The following ADAM12 variants were observed in gnomAD, a reference collection of about 807,000 sequenced individuals.
ADAM12 encodes disintegrin and metalloproteinase domain-containing protein 12.
ADAM12 carries 70 observed loss-of-function variants against 106.4 expected under a neutral mutation model. The observed-to-expected ratio is 0.66, with a 90% confidence interval of 0.54 to 0.80. The LOEUF is 0.80. Among genes scored for constraint, ADAM12 ranks in the 30% least tolerant of loss-of-function variants. ADAM12 has a pLI of 0.00. For missense variants in ADAM12, 1,010 were observed against 1,171.9 expected (o/e 0.86, Z 2.02); for synonymous variants, 420 against 433.5 (o/e 0.97, Z 0.39).
intron 11 of ADAM12, among the ~76,000 whole-genome samples, chr10:126,085,477 C>A (rs1441588112): frequency 2.0e-5 from 3 of 152,170 alleles, no homozygotes; most frequent in Non-Finnish European, 4.4e-5. Context: ...CATCCGCCCA[C>A]CCAGCCAACG....
At chr10:126,280,397 G>A (rs1959515485) in intron 2 of ADAM12, among the ~76,000 whole-genome samples, 1 of 152,134 alleles carries the variant, frequency 6.6e-6, no homozygotes, top group Non-Finnish European at 1.5e-5. Flanking sequence ...GGCTATTTAA[G>A]TTAATTAAAA....
rs1957964476 is a variant in ADAM12, at chr10:126,215,098, C to A, written c.261-59793G>T. On this transcript the variant is annotated intron_variant, in intron 3 of 22. Coordinates refer to ENST00000448723, the MANE Select transcript of ADAM12 (RefSeq NM_001288973.2). ...GACCACACCCATCTGTCCAGGCCAGCCTCCCCATACCCACACTTCCTGCTC... is the reference window on the plus strand; with the variant it reads ...GACCACACCCATCTGTCCAGGCCAGACTCCCCATACCCACACTTCCTGCTC... Among the ~76,000 whole-genome samples the A allele has an allele frequency of 2.6e-5, 4 of 152,200 alleles. No individual in the cohort carries two copies. The South Asian group carries it at 8.3e-4, about 32-fold the overall frequency.
intron 1 of ADAM12, among the ~76,000 whole-genome samples, chr10:126,383,610 G>GA (rs1564769096): frequency 1.3e-5 from 2 of 151,552 alleles, no homozygotes; most frequent in African/African-American, 4.8e-5. Context: ...CTTCCAAAAA[G>GA]AAAAAAAGAC....
chr10:126,194,147 CT>C (rs1957555238), intron 3 of ADAM12, among the ~76,000 whole-genome samples: 1 of 151,902 alleles, frequency 6.6e-6, no homozygotes, highest in South Asian at 2.1e-4. Flanking sequence ...ATACATAAGA[CT>C]TTAAATACAG....
At chr10:126,120,984 A>G (rs1414151714) in intron 5 of ADAM12, among the ~76,000 whole-genome samples, 3 of 130,116 alleles carry the variant, frequency 2.3e-5, no homozygotes, top group Non-Finnish European at 4.7e-5. Context: ...TATGCAATAT[A>G]GCATATATTA....
intron 3 of ADAM12, among the ~76,000 whole-genome samples, chr10:126,165,398 A>G (rs1235965988): frequency 6.6e-6 from 1 of 152,154 alleles, no homozygotes; most frequent in Non-Finnish European, 1.5e-5. Flanking sequence ...TGAACTCCTG[A>G]CACCTATCTC....
At chr10:126,229,016 C>T (rs1488576804) in intron 3 of ADAM12, among the ~76,000 whole-genome samples, 1 of 152,140 alleles carries the variant, frequency 6.6e-6, no homozygotes, top group Non-Finnish European at 1.5e-5. Flanking sequence ...TTTTGTGGTT[C>T]CCCTGTTTAC....
rs115263276 is a variant in ADAM12, at chr10:126,326,714, A to G, written c.186+3698T>C. Among the ~76,000 whole-genome samples the G allele has an allele frequency of 3.4e-3, 518 of 152,016 alleles. 8 individuals are homozygous for G. The highest frequency in any genetic ancestry group is 0.012 in the African/African-American group (494 of 41,436). On this transcript the variant is annotated intron_variant, in intron 2 of 22. Transcript: ENST00000448723. ...GCTCCAAGCCCCCAGGAACCTTCTC[A>G]TGGCTGTTCTACCTTGTCAGGGCCC... is the stretch of plus-strand genomic sequence containing the variant.
At chr10:126,068,312 A>G (rs948060961) in intron 12 of ADAM12, among the ~76,000 whole-genome samples, 7 of 152,332 alleles carry the variant, frequency 4.6e-5, no homozygotes, top group African/African-American at 1.7e-4. Context: ...TTACCAAATT[A>G]CAAGTTTTCT....
rs750726996 is a variant in ADAM12, at chr10:126,204,876, C to T, written c.261-49571G>A. On this transcript the variant is annotated intron_variant, in intron 3 of 22. Coordinates refer to ENST00000448723, the MANE Select transcript of ADAM12 (RefSeq NM_001288973.2). ...TCTTTGTCACAACTACCCAACTCTGCGCTATTCTAAGTAGATTAGATAGGT... is the reference window on the plus strand; with the variant it reads ...TCTTTGTCACAACTACCCAACTCTGTGCTATTCTAAGTAGATTAGATAGGT... Among the ~76,000 whole-genome samples the T allele has an allele frequency of 3.1e-4, 47 of 152,294 alleles. 1 individual carries two copies. The highest frequency in any genetic ancestry group is 1.5e-3 in the Admixed American group (23 of 15,298).
At position 126,229,757 on chromosome 10, in the gene ADAM12, C is replaced by T. The variant is rs535812960; in HGVS notation, c.260+49158G>A. 2.0e-5 allele frequency among the ~76,000 whole-genome samples: 3 copies of T among 152,150 alleles called. No homozygotes were observed. The East Asian group carries it at 5.8e-4, about 29-fold the overall frequency. On this transcript the variant is annotated intron_variant, in intron 3 of 22. Transcript: ENST00000448723. ...GCAAACCTCACTTTTCCTTTGGGAA[C>T]CCCCTTCGTGCTCTGTTCATGCCTG...
intron 1 of ADAM12, among the ~76,000 whole-genome samples, chr10:126,362,360 T>C (rs977572378): frequency 2.0e-5 from 3 of 152,094 alleles, no homozygotes; most frequent in African/African-American, 7.2e-5. Context: ...AGTATGATGA[T>C]TATGAAAAAC....
intron 4 of ADAM12, among the ~76,000 whole-genome samples, chr10:126,142,767 G>A (rs943757865): frequency 6.6e-6 from 1 of 152,336 alleles, no homozygotes; most frequent in Admixed American, 6.5e-5. Flanking sequence ...AGAAGGTGAA[G>A]TCATTTCCAA....
intron 5 of ADAM12, among the ~76,000 whole-genome samples, chr10:126,130,813 A>G (rs944163421): frequency 1.3e-5 from 2 of 152,168 alleles, no homozygotes; most frequent in Non-Finnish European, 2.9e-5. Flanking sequence ...TTGCTTGGAT[A>G]TTACTCTAGG....
intron 3 of ADAM12, among the ~76,000 whole-genome samples, chr10:126,171,563 C>G (rs1215535453): frequency 6.6e-6 from 1 of 152,216 alleles, no homozygotes; most frequent in South Asian, 2.1e-4. Context: ...CTAGAGTTAG[C>G]ACCTTTTCCT....
intron 3 of ADAM12, among the ~76,000 whole-genome samples, chr10:126,268,869 T>A (rs1452143040): frequency 6.6e-6 from 1 of 152,162 alleles, no homozygotes; most frequent in Non-Finnish European, 1.5e-5. Flanking sequence ...AGGTTCCCGA[T>A]CCAGACCCCA....
At chr10:126,263,426 C>T (rs1468981092) in intron 3 of ADAM12, among the ~76,000 whole-genome samples, 2 of 152,112 alleles carry the variant, frequency 1.3e-5, no homozygotes, top group Non-Finnish European at 2.9e-5. Context: ...TTTCCTTTCC[C>T]TTGGCTCAGT....
At chr10:126,176,648 A>G (rs1034594842) in intron 3 of ADAM12, among the ~76,000 whole-genome samples, 1 of 152,246 alleles carries the variant, frequency 6.6e-6, no homozygotes, top group East Asian at 1.9e-4. Context: ...TCAGTGGCAT[A>G]GGAAGCAACA....
chr10:126,352,024 G>GCACTCAA (rs1855379606), intron 1 of ADAM12, among the ~76,000 whole-genome samples: 1 of 152,172 alleles, frequency 6.6e-6, no homozygotes, highest in South Asian at 2.1e-4. Context: ...TCAGAACCCA[G>GCACTCAA]CACTCAACAG....
Sources: gnomAD v4.1 joint callset for allele counts (sites outside exome capture counted in the v4.1 genomes callset) on GRCh38, gnomAD v4.1.1 for gene constraint, MANE v1.5 for transcripts, NCBI Gene and HGNC (gene_info 2026-07-23, HGNC 2026-07-21) for gene names.